The following CHODL variants were observed in gnomAD, a reference collection of about 807,000 sequenced individuals.
The protein encoded by CHODL is chondrolectin, also known as transmembrane protein MT75.
CHODL carries 29 observed loss-of-function variants against 34.5 expected under a neutral mutation model. That is an observed-to-expected ratio of 0.84 (90% CI 0.63 to 1.15). The LOEUF is 1.15. CHODL is among the 50% of genes most tolerant of loss of function. The probability of loss-of-function intolerance (pLI) is 0.00; values close to 1 mark genes in which losing one functional copy is unlikely to be tolerated. For missense variants in CHODL, 332 were observed against 332.5 expected (o/e 1.00, Z 0.01); for synonymous variants, 125 against 116.1 (o/e 1.08, Z -0.49).
chr21:18,049,471 T>C (rs1226867937), intron 2 of CHODL, among the ~76,000 whole-genome samples: 5 of 151,976 alleles, frequency 3.3e-5, no homozygotes, highest in Non-Finnish European at 7.4e-5. Context: ...GGGATCTGTT[T>C]TTCTATTACA....
intron 1 of CHODL, among the ~76,000 whole-genome samples, chr21:17,971,470 T>C (rs2063613855): frequency 6.6e-6 from 1 of 152,224 alleles, no homozygotes; most frequent in Non-Finnish European, 1.5e-5. Context: ...TGTATTGCAT[T>C]TCTCTAATGA....
At position 18,225,297 on chromosome 21, in the gene CHODL, A is replaced by T. The variant is rs192513007; in HGVS notation, c.-44-31212A>T. On this transcript the variant is annotated intron_variant, in intron 2 of 6. Coordinates refer to the CHODL transcript ENST00000400127. The stretch of plus-strand genomic sequence containing the variant: ...CTGAAAATGTAACCATTCTCAAAAA[A>T]TAGCCATTATCTTTTGTTTACTTCT... Among the ~76,000 whole-genome samples the T allele has an allele frequency of 2.6e-4, 40 of 152,304 alleles. No individual in the cohort carries two copies. In the East Asian group the frequency reaches 3.3e-3, roughly 12 times the overall value.
chr21:18,132,079 A>T (rs975528400), intron 2 of CHODL, among the ~76,000 whole-genome samples: 41 of 151,998 alleles, frequency 2.7e-4, no homozygotes, highest in African/African-American at 8.9e-4. Context: ...TCTTTGTCAA[A>T]GTTCTTTTTT....
chr21:18,149,296 C>T (rs1390381009), intron 2 of CHODL, among the ~76,000 whole-genome samples: 1 of 152,224 alleles, frequency 6.6e-6, no homozygotes, highest in Non-Finnish European at 1.5e-5. Flanking sequence ...CTCACACACA[C>T]ACTCCTGATG....
Position 18,013,459 on chromosome 21 carries a change from C to T in CHODL, c.-144-14413C>T, listed in dbSNP as rs148699559. 3.2e-3 allele frequency among the ~76,000 whole-genome samples: 485 copies of T among 151,906 alleles called. 2 individuals carry two copies. The highest frequency in any genetic ancestry group is 0.01 in the Middle Eastern group (3 of 292). ...TTCTCTCTGTCTCAGGGACTTGGTCCTTCCATCTTAGGTTCTTGCCAAAAT... is the reference window on the plus strand; with the variant it reads ...TTCTCTCTGTCTCAGGGACTTGGTCTTTCCATCTTAGGTTCTTGCCAAAAT... On this transcript the variant is annotated intron_variant, in intron 1 of 6. Coordinates refer to the CHODL transcript ENST00000400127.
At chr21:18,061,639 T>G (rs926255386) in intron 2 of CHODL, among the ~76,000 whole-genome samples, 2 of 152,178 alleles carry the variant, frequency 1.3e-5, no homozygotes, top group Admixed American at 1.3e-4. Context: ...CCCAAACAAT[T>G]GCACTTGTCA....
At chr21:17,978,441 G>C (rs947246405) in intron 1 of CHODL, among the ~76,000 whole-genome samples, 4 of 140,674 alleles carry the variant, frequency 2.8e-5, no homozygotes, top group Non-Finnish European at 6.2e-5. Flanking sequence ...AAAAAAGGCC[G>C]GGCGCGGTGG....
At chr21:17,918,356 T>G (rs941404576) in intron 1 of CHODL, among the ~76,000 whole-genome samples, 4 of 151,874 alleles carry the variant, frequency 2.6e-5, no homozygotes, top group African/African-American at 9.7e-5. Context: ...GACTGGCCAA[T>G]TTACAAAAGA....
chr21:18,017,459 C>A (rs1393083017), intron 1 of CHODL, among the ~76,000 whole-genome samples: 3 of 152,228 alleles, frequency 2.0e-5, no homozygotes, highest in Non-Finnish European at 4.4e-5. Context: ...CTGGCTTCAG[C>A]CTTGGCTCAA....
intron 2 of CHODL, among the ~76,000 whole-genome samples, chr21:18,102,698 CAA>C: frequency 6.6e-6 from 1 of 152,070 alleles, no homozygotes; most frequent in East Asian, 1.9e-4. Flanking sequence ...TTTCATAAAT[CAA>C]AGTTTTTAGG....
intron 2 of CHODL, among the ~76,000 whole-genome samples, chr21:18,048,591 C>A (rs1481826390): frequency 6.6e-6 from 1 of 151,872 alleles, no homozygotes; most frequent in African/African-American, 2.4e-5. Context: ...ACCCATTAAA[C>A]CCTATCAGCA....
intron 2 of CHODL, among the ~76,000 whole-genome samples, chr21:18,088,285 T>C (rs1236448690): frequency 6.6e-6 from 1 of 152,134 alleles, no homozygotes; most frequent in East Asian, 1.9e-4. Context: ...CAGCAGCTCA[T>C]ATCAGGGCAG....
chr21:17,995,019 G>C (rs539005554), intron 1 of CHODL, among the ~76,000 whole-genome samples: 1 of 152,228 alleles, frequency 6.6e-6, no homozygotes, highest in Admixed American at 6.5e-5. Flanking sequence ...CCAGGATGTA[G>C]GGCACTGCAT....
intron 1 of CHODL, among the ~76,000 whole-genome samples, chr21:17,930,386 G>A (rs1321558714): frequency 1.4e-5 from 2 of 146,734 alleles, no homozygotes; most frequent in Non-Finnish European, 3.1e-5. Context: ...GCACCTGCAT[G>A]TGCCACAATG....
intron 2 of CHODL, among the ~76,000 whole-genome samples, chr21:18,139,194 C>T (rs997047132): frequency 1.3e-4 from 20 of 151,718 alleles, no homozygotes; most frequent in East Asian, 1.2e-3. Context: ...TTGAATCTCA[C>T]GTTCAGCAGT....
chr21:18,103,040 T>C (rs920380319), intron 2 of CHODL, among the ~76,000 whole-genome samples: 1 of 152,186 alleles, frequency 6.6e-6, no homozygotes, highest in African/African-American at 2.4e-5. Flanking sequence ...AAGTAGAGAA[T>C]AGATGAAAAA....
chr21:18,114,283 A>T (rs900756498), intron 2 of CHODL, among the ~76,000 whole-genome samples: 1 of 152,150 alleles, frequency 6.6e-6, no homozygotes, highest in African/African-American at 2.4e-5. Flanking sequence ...AAAATAAAGA[A>T]TGTAATTGGA....
At chr21:18,033,640 T>C (rs1246012842) in intron 2 of CHODL, among the ~76,000 whole-genome samples, 1 of 151,936 alleles carries the variant, frequency 6.6e-6, no homozygotes, top group Non-Finnish European at 1.5e-5. Flanking sequence ...AATGTGGGAG[T>C]AACAGCCCAT....
intron 2 of CHODL, among the ~76,000 whole-genome samples, chr21:18,147,478 A>G (rs2072907819): frequency 6.6e-6 from 1 of 152,232 alleles, no homozygotes; most frequent in South Asian, 2.1e-4. Context: ...TAAAAAGACA[A>G]GATCTTAGAG....
Sources: gnomAD v4.1 joint callset for allele counts (sites outside exome capture counted in the v4.1 genomes callset) on GRCh38, gnomAD v4.1.1 for gene constraint, MANE v1.5 for transcripts, NCBI Gene and HGNC (gene_info 2026-07-23, HGNC 2026-07-21) for gene names.